KCNMB3: variants seen among roughly 807,000 people sequenced by gnomAD.
The protein encoded by KCNMB3 is calcium-activated potassium channel subunit beta-3.
KCNMB3 carries 18 observed loss-of-function variants against 11.9 expected under a neutral mutation model. The ratio of observed to expected loss-of-function variants is 1.51; its 90% CI spans 1.04 to 2.23. The LOEUF is 2.23. Ranked by LOEUF, KCNMB3 falls within the 30% of genes most tolerant of loss-of-function variation. The probability of loss-of-function intolerance (pLI) is 0.00; values close to 1 mark genes in which losing one functional copy is unlikely to be tolerated. For missense variants in KCNMB3, 247 were observed against 329.4 expected (o/e 0.75, Z 1.94); for synonymous variants, 78 against 119.2 (o/e 0.65, Z 2.25).
chr3:179,262,527 G>C (rs928846390), intron 1 of KCNMB3, among the ~76,000 whole-genome samples: 3 of 152,332 alleles, frequency 2.0e-5, no homozygotes, highest in Non-Finnish European at 2.9e-5. Flanking sequence ...AAAGAGCAAA[G>C]GAACAAATCC....
chr3:179,241,994 G>T (rs1171204999), downstream of KCNMB3: 1 of 154,146 alleles, frequency 6.5e-6, no homozygotes, highest in Non-Finnish European at 1.5e-5. Context: ...CTAGAAAAAT[G>T]TTACTGAAAG....
At chr3:179,255,848 T>C (rs1364669929), upstream of KCNMB3, among the ~76,000 whole-genome samples, 2 of 152,180 alleles carry the variant, frequency 1.3e-5, no homozygotes, top group Non-Finnish European at 2.9e-5. Context: ...TAATGACAAT[T>C]TGGCTGAGAG....
intron 1 of KCNMB3, among the ~76,000 whole-genome samples, chr3:179,250,294 A>C (rs1172090254): frequency 1.3e-5 from 2 of 152,160 alleles, no homozygotes; most frequent in Non-Finnish European, 1.5e-5. Context: ...TGAATAAAGA[A>C]CCTAATTAAA....
upstream of KCNMB3, chr3:179,266,975 C>T: frequency 8.2e-7 from 1 of 1,222,914 alleles, no homozygotes; most frequent in Non-Finnish European, 1.0e-6. Context: ...TTGCTGCAGC[C>T]GAAGCTGCTT....
exon 1 of KCNMB3, chr3:179,266,829 A>T (rs911446721): frequency 1.8e-5 from 27 of 1,461,148 alleles, no homozygotes; most frequent in Non-Finnish European, 2.2e-5. Flanking sequence ...CCCAGCCCCC[A>T]GCGCAGCTGC....
intron 1 of KCNMB3, among the ~76,000 whole-genome samples, chr3:179,258,600 A>T (rs1726099905): frequency 6.6e-6 from 1 of 152,226 alleles, no homozygotes; most frequent in Non-Finnish European, 1.5e-5. Context: ...ATTAATTTAA[A>T]TATCAATTAT....
chr3:179,249,173 C>A (rs927295626), intron 1 of KCNMB3, among the ~76,000 whole-genome samples: 1 of 151,002 alleles, frequency 6.6e-6, no homozygotes, highest in African/African-American at 2.4e-5. Flanking sequence ...CCACCGTGCC[C>A]AGCTAATTTT....
intron 1 of KCNMB3, among the ~76,000 whole-genome samples, chr3:179,264,857 C>G (rs182826785): frequency 8.5e-5 from 13 of 152,196 alleles, no homozygotes; most frequent in Non-Finnish European, 1.6e-4. Context: ...GTTTTGGTTA[C>G]AGAGGAGACC....
intron 1 of KCNMB3, among the ~76,000 whole-genome samples, chr3:179,262,710 G>A (rs973795818): frequency 6.6e-6 from 1 of 152,186 alleles, no homozygotes; most frequent in Non-Finnish European, 1.5e-5. Context: ...GCTGATTGGT[G>A]CGTTTACAAT....
chr3:179,255,206 A>G (rs973184543), upstream of KCNMB3, among the ~76,000 whole-genome samples: 1 of 151,852 alleles, frequency 6.6e-6, no homozygotes, highest in African/African-American at 2.4e-5. Flanking sequence ...AAAATAAAAT[A>G]AAAGTCATAA....
chr3:179,252,393 C>T (rs964422559), upstream of KCNMB3, among the ~76,000 whole-genome samples: 13 of 152,278 alleles, frequency 8.5e-5, no homozygotes, highest in East Asian at 2.5e-3. Context: ...AAGCAAAAAC[C>T]CCATCAAGGA....
downstream of KCNMB3, chr3:179,240,318 A>C: frequency 2.6e-6 from 1 of 391,526 alleles, no homozygotes; most frequent in Non-Finnish European, 4.6e-6. Context: ...TATTAAAGGA[A>C]TGTATGTTTA....
chr3:179,249,139 A>G (rs960044623), intron 1 of KCNMB3, among the ~76,000 whole-genome samples: 3 of 149,316 alleles, frequency 2.0e-5, no homozygotes, highest in Non-Finnish European at 4.4e-5. Flanking sequence ...CAGCCTCCTG[A>G]GTAGCTGGGA....
intron 2 of KCNMB3, 113 bp downstream of exon 2, chr3:179,244,382 C>T (rs1199090966): frequency 2.5e-6 from 2 of 794,440 alleles, no homozygotes; most frequent in Non-Finnish European, 4.2e-6. Flanking sequence ...AATGTTCACT[C>T]CAAAAAAATA....
At chr3:179,263,609 T>C (rs1300559900) in intron 1 of KCNMB3, among the ~76,000 whole-genome samples, 1 of 152,116 alleles carries the variant, frequency 6.6e-6, no homozygotes, top group Non-Finnish European at 1.5e-5. Context: ...ATGAAAGTAA[T>C]ATATTTTTAT....
chr3:179,261,517 G>A (rs867289595), intron 1 of KCNMB3, among the ~76,000 whole-genome samples: 1 of 152,010 alleles, frequency 6.6e-6, no homozygotes. Flanking sequence ...CTGGCCGGGG[G>A]TGGAATGGCG....
At chr3:179,247,966 T>G (rs1357512261) in intron 1 of KCNMB3, among the ~76,000 whole-genome samples, 2 of 151,084 alleles carry the variant, frequency 1.3e-5, no homozygotes, top group Non-Finnish European at 2.9e-5. Flanking sequence ...TGTCCAAAAA[T>G]AAAGCAATGT....
chr3:179,250,489 G>A (rs571022832), intron 1 of KCNMB3, among the ~76,000 whole-genome samples: 3 of 152,288 alleles, frequency 2.0e-5, no homozygotes, highest in Admixed American at 6.5e-5. Context: ...TGTGGATTAC[G>A]TGTTTGGAGG....
At chr3:179,259,505 A>G in intron 1 of KCNMB3, 1 of 1,611,810 alleles carries the variant, frequency 6.2e-7, no homozygotes, top group Non-Finnish European at 8.5e-7. Context: ...TCATTTTAGG[A>G]TTCTCTGGAC....
Sources: allele counts gnomAD v4.1 joint callset (sites outside exome capture counted in the v4.1 genomes callset), GRCh38; gene constraint gnomAD v4.1.1; transcripts MANE v1.5; gene names NCBI Gene and HGNC (gene_info 2026-07-23, HGNC 2026-07-21).